Variants in PLXNA4 observed in about 807,000 individuals in gnomAD.
The protein encoded by PLXNA4 is plexin-A4.
PLXNA4 carries 44 observed loss-of-function variants against 191.8 expected under a neutral mutation model. The ratio of observed to expected loss-of-function variants is 0.23; its 90% CI spans 0.18 to 0.29. The LOEUF (loss-of-function observed/expected upper bound fraction) is 0.29. PLXNA4 is among the 10% of genes least tolerant of loss of function. PLXNA4 has a pLI of 1.00. For synonymous variants in PLXNA4, 1,082 were observed against 1,009.5 expected (o/e 1.07, Z -1.36); for missense variants, 1,800 against 2,488.8 (o/e 0.72, Z 5.89).
At chr7:132,232,892 G>C (rs1415388995) in intron 5 of PLXNA4, among the ~76,000 whole-genome samples, 1 of 152,234 alleles carries the variant, frequency 6.6e-6, no homozygotes, top group African/African-American at 2.4e-5. Flanking sequence ...CTATCTGTGA[G>C]TCCAGCCTGA....
intron 17 of PLXNA4, 52 bp from the exon 18 acceptor site, chr7:132,181,672 A>G: frequency 6.3e-7 from 1 of 1,599,356 alleles, no homozygotes; most frequent in East Asian, 2.2e-5. Flanking sequence ...ACATACCCAC[A>G]GCCCCAGTGC....
At chr7:132,513,507 T>C (rs1798815771) in intron 1 of PLXNA4, among the ~76,000 whole-genome samples, 2 of 152,210 alleles carry the variant, frequency 1.3e-5, no homozygotes, top group African/African-American at 2.4e-5. Flanking sequence ...TTATTCACAA[T>C]ATATTCCCTG....
intron 10 of PLXNA4, among the ~76,000 whole-genome samples, chr7:132,210,285 C>G (rs1395518105): frequency 6.6e-6 from 1 of 152,194 alleles, no homozygotes; most frequent in Non-Finnish European, 1.5e-5. Context: ...AGGTGATACA[C>G]AGGTGGGGTT....
chr7:132,198,752 C>T (rs762002188), intron 12 of PLXNA4, 116 bp from the exon 13 acceptor site: 156 of 1,478,878 alleles, frequency 1.1e-4, no homozygotes, highest in Non-Finnish European at 1.3e-4. Flanking sequence ...CCCTGAGTGG[C>T]TTGAAGTCAC....
At chr7:132,405,824 G>T (rs1794196998) in intron 3 of PLXNA4, among the ~76,000 whole-genome samples, 1 of 152,170 alleles carries the variant, frequency 6.6e-6, no homozygotes, top group South Asian at 2.1e-4. Context: ...GCCTACCCAG[G>T]AAATCTTACT....
chr7:132,589,126 C>T (rs1335137434), intron 2 of PLXNA4, among the ~76,000 whole-genome samples: 1 of 152,194 alleles, frequency 6.6e-6, no homozygotes, highest in Non-Finnish European at 1.5e-5. Flanking sequence ...CCATATGTCA[C>T]TATGCTGCAG....
chr7:132,179,138 C>T (rs1442994286), intron 20 of PLXNA4, among the ~76,000 whole-genome samples: 7 of 126,490 alleles, frequency 5.5e-5, no homozygotes, highest in South Asian at 2.4e-4. Flanking sequence ...TGCTCACACA[C>T]GTGCGTGCTC....
intron 3 of PLXNA4, among the ~76,000 whole-genome samples, chr7:132,328,773 C>T (rs1185020480): frequency 6.6e-6 from 1 of 152,174 alleles, no homozygotes; most frequent in African/African-American, 2.4e-5. Flanking sequence ...TCCAGGAGTC[C>T]CCAGTGCTCT....
intron 1 of PLXNA4, among the ~76,000 whole-genome samples, chr7:132,564,841 G>C (rs1472956255): frequency 6.6e-6 from 1 of 152,098 alleles, no homozygotes; most frequent in African/African-American, 2.4e-5. Context: ...CCAGGATGGA[G>C]ATCCCCCCGG....
Position 132,499,180 on chromosome 7 carries a change from C to T in PLXNA4, c.1188+8326G>A, listed in dbSNP as rs141423485. ...CATAGCAGCCAAAGACAAGCTTCAGCTCAGAATCCTAGGGGTTGAACCCAT... is the reference window on the plus strand; with the variant it reads ...CATAGCAGCCAAAGACAAGCTTCAGTTCAGAATCCTAGGGGTTGAACCCAT... On this transcript the variant is annotated intron_variant, in intron 2 of 31. Coordinates refer to ENST00000321063, the MANE Select transcript of PLXNA4 (RefSeq NM_020911.2). Among the ~76,000 whole-genome samples, 1,047 of 152,348 alleles carry T rather than the reference C, an allele frequency of 6.9e-3. 24 individuals carry two copies. The highest frequency in any genetic ancestry group is 0.024 in the African/African-American group (996 of 41,582).
At chr7:132,386,861 A>G (rs1436572468) in intron 3 of PLXNA4, among the ~76,000 whole-genome samples, 1 of 152,210 alleles carries the variant, frequency 6.6e-6, no homozygotes, top group East Asian at 1.9e-4. Flanking sequence ...TGCAAAGCAC[A>G]TCACATGTCT....
intron 3 of PLXNA4, among the ~76,000 whole-genome samples, chr7:132,448,052 G>A (rs13246114): frequency 0.7 from 106,541 of 152,030 alleles, 43,402 homozygotes; most frequent in Non-Finnish European, 0.91. Context: ...CAAAAAAAAC[G>A]TATAGCATCT....
chr7:132,606,132 C>T (rs1385790011), intron 2 of PLXNA4, among the ~76,000 whole-genome samples: 1 of 152,190 alleles, frequency 6.6e-6, no homozygotes, highest in Non-Finnish European at 1.5e-5. Flanking sequence ...CCATTGCACT[C>T]CAGCCTAGGC....
At chr7:132,207,026 G>A (rs769940714) in intron 10 of PLXNA4, among the ~76,000 whole-genome samples, 1 of 152,260 alleles carries the variant, frequency 6.6e-6, no homozygotes, top group Admixed American at 6.5e-5. Context: ...GCAAAAATGA[G>A]ACCTCGATAT....
intron 3 of PLXNA4, among the ~76,000 whole-genome samples, chr7:132,464,324 C>T (rs1319536411): frequency 6.6e-6 from 1 of 152,182 alleles, no homozygotes; most frequent in Non-Finnish European, 1.5e-5. Context: ...TCTTACTTCT[C>T]TTCTGTCCTC....
At chr7:132,336,925 C>T (rs377527468) in intron 3 of PLXNA4, among the ~76,000 whole-genome samples, 38 of 152,348 alleles carry the variant, frequency 2.5e-4, no homozygotes, top group Admixed American at 2.0e-3. Flanking sequence ...TCTGCTTCTG[C>T]GTGGACTTTG....
At position 132,202,850 on chromosome 7, in the gene PLXNA4, G is replaced by A. The variant is rs761393820; in HGVS notation, c.2396-14C>T. 1.7e-5 allele frequency: 27 copies of A among 1,545,280 alleles called. No individual in the cohort carries two copies. Among genetic ancestry groups the A allele is most frequent in the African/African-American group, 5.5e-5 (4 of 73,388 alleles). ...TGTAGAGGTGAACTGCAGAGGGGAA[G>A]GGCAAGGACAAGGGGTGCTTGGGAA... On this transcript the variant is annotated splice_polypyrimidine_tract_variant and intron_variant, in intron 11 of 31. Transcript: ENST00000321063.
At chr7:132,347,534 G>C (rs1803294124) in intron 3 of PLXNA4, among the ~76,000 whole-genome samples, 1 of 152,202 alleles carries the variant, frequency 6.6e-6, no homozygotes, top group Non-Finnish European at 1.5e-5. Context: ...TCAATGAAGA[G>C]GTATTGGAGA....
chr7:132,187,145 C>T (rs1055244660), intron 15 of PLXNA4, among the ~76,000 whole-genome samples: 7 of 152,082 alleles, frequency 4.6e-5, no homozygotes, highest in Non-Finnish European at 7.4e-5. Flanking sequence ...TCATCTGCAA[C>T]CCAACCAATC....
Sources: allele counts gnomAD v4.1 joint callset (sites outside exome capture counted in the v4.1 genomes callset), GRCh38; gene constraint gnomAD v4.1.1; transcripts MANE v1.5; gene names NCBI Gene and HGNC (gene_info 2026-07-23, HGNC 2026-07-21).